ABAT: variants seen among roughly 807,000 people sequenced by gnomAD.
ABAT encodes the protein 4-aminobutyrate aminotransferase, also known as 4-aminobutyrate aminotransferase, mitochondrial.
Under a neutral mutation model 64.6 loss-of-function variants are expected in ABAT, and 45 were observed. The ratio of observed to expected loss-of-function variants is 0.70; its 90% CI spans 0.55 to 0.89. The LOEUF (loss-of-function observed/expected upper bound fraction) is 0.89. ABAT is among the 40% of genes least tolerant of loss of function. The pLI is 0.00. For missense variants in ABAT, 633 were observed against 658.4 expected, an observed-to-expected ratio of 0.96 and a Z score of 0.42; for synonymous variants, 297 against 250.5, an observed-to-expected ratio of 1.19 and a Z score of -1.75.
At chr16:8,714,573 T>A (rs985728546) in intron 1 of ABAT, 6 of 152,404 alleles carry the variant, frequency 3.9e-5, no homozygotes, top group African/African-American at 1.4e-4. Flanking sequence ...TTTTAGAAAA[T>A]GCAATTTCAT....
intron 1 of ABAT, among the ~76,000 whole-genome samples, chr16:8,734,901 G>A (rs1453574651): frequency 6.6e-6 from 1 of 152,048 alleles, no homozygotes; most frequent in Non-Finnish European, 1.5e-5. Context: ...GGCTGCTCCA[G>A]GCTCCCAATA....
intron 1 of ABAT, among the ~76,000 whole-genome samples, chr16:8,676,047 G>A (rs888457651): frequency 6.6e-6 from 1 of 152,032 alleles, no homozygotes; most frequent in Non-Finnish European, 1.5e-5. Context: ...GGGGTGGGGA[G>A]GGGGTGGGAA....
At chr16:8,722,189 G>A (rs1412633003) in intron 1 of ABAT, among the ~76,000 whole-genome samples, 9 of 152,204 alleles carry the variant, frequency 5.9e-5, no homozygotes, top group African/African-American at 1.9e-4. Context: ...AGCCTTGGGC[G>A]GTCCACTCTG....
Position 8,781,403 on chromosome 16 carries a change from C to A in ABAT, c.1476C>A (p.Phe492Leu). The A allele has an allele frequency of 6.2e-7, 1 of 1,614,196 alleles. No homozygotes were observed. The highest frequency in any genetic ancestry group is 8.5e-7 in the Non-Finnish European group (1 of 1,180,040). The change falls in exon 16 of 16, where the codon TTC (phenylalanine) becomes TTA (leucine). Residue 492 changes from phenylalanine (F) to leucine (L), a missense_variant. Transcript: ENST00000268251. This position sits in a 1 kb window ranked among gnomAD's most constrained non-coding sequence, Gnocchi z 4.5. ...ACGCTCACCTGTTCCTCAATATTTT[C>A]AGTGACATCTTAGCAGACTTCAAGT... ...DHHAHLFLNI[F>L]SDILADFK
intron 1 of ABAT, among the ~76,000 whole-genome samples, chr16:8,691,688 C>A (rs1273362): frequency 6.6e-6 from 1 of 151,954 alleles, no homozygotes; most frequent in Admixed American, 6.6e-5. Flanking sequence ...CGATCCTCTG[C>A]CCTCAGCCTC....
intron 6 of ABAT, among the ~76,000 whole-genome samples, chr16:8,758,699 T>C (rs942603643): frequency 6.6e-6 from 1 of 152,158 alleles, no homozygotes; most frequent in African/African-American, 2.4e-5. Flanking sequence ...TCTGCAGACA[T>C]GGCCAGATGT....
chr16:8,732,196 G>GTTTTTTTTT (rs746087281), intron 1 of ABAT, among the ~76,000 whole-genome samples: 8 of 18,686 alleles, frequency 4.3e-4, no homozygotes, highest in Non-Finnish European at 8.5e-4. Flanking sequence ...GGTTTTTTTT[G>GTTTTTTTTT]TTTTTTTTTT....
chr16:8,752,410 C>T (rs1050164859), intron 5 of ABAT, among the ~76,000 whole-genome samples: 4 of 152,300 alleles, frequency 2.6e-5, no homozygotes, highest in South Asian at 2.1e-4. Flanking sequence ...GAATGCCCAG[C>T]TAGCCACTGT....
At chr16:8,780,895 C>T (rs1384932315) in intron 15 of ABAT, 2 of 451,838 alleles carry the variant, frequency 4.4e-6, no homozygotes, top group Admixed American at 3.4e-5. Context: ...CACATGCTTC[C>T]GACTCAGCCT....
At chr16:8,713,424 G>A (rs565031640) in intron 1 of ABAT, 6 of 163,342 alleles carry the variant, frequency 3.7e-5, no homozygotes, top group African/African-American at 1.4e-4. Flanking sequence ...AAAAAAATCT[G>A]TATTCTATTT....
chr16:8,696,284 G>C (rs2057699470), intron 1 of ABAT, among the ~76,000 whole-genome samples: 1 of 152,106 alleles, frequency 6.6e-6, no homozygotes, highest in Non-Finnish European at 1.5e-5. Flanking sequence ...CTGTGCAGGG[G>C]GACCCTGGGG....
intron 3 of ABAT, among the ~76,000 whole-genome samples, chr16:8,746,598 C>G (rs560230722): frequency 2.2e-4 from 33 of 151,508 alleles, no homozygotes; most frequent in African/African-American, 7.5e-4. Flanking sequence ...CCAGGCTGGT[C>G]TTGAAGTCCT....
At chr16:8,720,228 C>T (rs2142166931) in intron 1 of ABAT, among the ~76,000 whole-genome samples, 1 of 152,336 alleles carries the variant, frequency 6.6e-6, no homozygotes, top group East Asian at 1.9e-4. Flanking sequence ...TGCCTCCTGA[C>T]CCCACAAATA....
intron 13 of ABAT, 152 bp downstream of exon 13, chr16:8,775,209 G>A: frequency 1.0e-6 from 1 of 993,218 alleles, no homozygotes; most frequent in Non-Finnish European, 1.5e-6. Context: ...GCAATTAGCA[G>A]TGGTGTGCCC....
intron 8 of ABAT, among the ~76,000 whole-genome samples, chr16:8,765,388 GCACAGTGGCT>G (rs2059915203): frequency 2.0e-5 from 3 of 151,624 alleles, no homozygotes; most frequent in African/African-American, 7.3e-5. Flanking sequence ...CCAAGGTTGG[GCACAGTGGCT>G]CACACTTGTA....
At chr16:8,744,726 G>A (rs912095591) in intron 2 of ABAT, among the ~76,000 whole-genome samples, 1 of 151,744 alleles carries the variant, frequency 6.6e-6, no homozygotes, top group Non-Finnish European at 1.5e-5. Flanking sequence ...AAATTAGCCG[G>A]GTGTAGTGGT....
At position 8,781,321 on chromosome 16, in the gene ABAT, G is replaced by C; in HGVS notation, c.1394G>C (p.Gly465Ala). 1 of 1,614,110 alleles carries C rather than the reference G, an allele frequency of 6.2e-7. No homozygotes were observed. The highest frequency in any genetic ancestry group is 8.5e-7 in the Non-Finnish European group (1 of 1,180,006). ...LIARNKGVVLGGCGDKSIRFR... is the reference protein window; with the variant it reads ...LIARNKGVVLAGCGDKSIRFR... Reference sequence around the variant, plus strand: ...CTGCCTCTTTCAGGTGTGGTGTTGGGTGGCTGTGGTGACAAATCCATTCGT... The same window carrying C: ...CTGCCTCTTTCAGGTGTGGTGTTGGCTGGCTGTGGTGACAAATCCATTCGT... Residue 465 changes from glycine (G) to alanine (A), a missense_variant, in exon 16 of 16, where the codon GGT becomes GCT. Transcript: ENST00000268251. This position sits in a 1 kb window ranked among gnomAD's most constrained non-coding sequence, Gnocchi z 4.5.
intron 1 of ABAT, among the ~76,000 whole-genome samples, chr16:8,681,489 C>G (rs2057332809): frequency 7.5e-6 from 1 of 132,890 alleles, no homozygotes; most frequent in Admixed American, 7.8e-5. Flanking sequence ...GGGAGTCTTG[C>G]TCTGTTGCCC....
intron 5 of ABAT, among the ~76,000 whole-genome samples, chr16:8,756,436 C>T (rs1329894913): frequency 6.6e-6 from 1 of 151,972 alleles, no homozygotes; most frequent in Non-Finnish European, 1.5e-5. Context: ...AAAAGGGATA[C>T]ATGTGTAGAA....
Sources: allele counts gnomAD v4.1 joint callset (sites outside exome capture counted in the v4.1 genomes callset), GRCh38; gene constraint gnomAD v4.1.1; non-coding constraint Gnocchi (gnomAD v3.1); transcripts MANE v1.5; gene names NCBI Gene and HGNC (gene_info 2026-07-23, HGNC 2026-07-21).